C17orf58: variants seen among roughly 807,000 people sequenced by gnomAD.
C17orf58 encodes chromosome 17 open reading frame 58.
In C17orf58, 5 loss-of-function variants were observed where a neutral mutation model predicts 7.4. The observed-to-expected ratio is 0.67, with a 90% CI of 0.35 to 1.42. The LOEUF (loss-of-function observed/expected upper bound fraction) is 1.42. Ranked by LOEUF, C17orf58 falls within the 40% of genes most tolerant of loss-of-function variation. The pLI is 0.04. For missense variants in C17orf58, 162 were observed against 174.2 expected, an observed-to-expected ratio of 0.93 and a Z score of 0.40; for synonymous variants, 60 against 70.6, an observed-to-expected ratio of 0.85 and a Z score of 0.75.
chr17:67,995,979 T>C, intron 1 of C17orf58, 144 bp downstream of exon 1: 1 of 396,680 alleles, frequency 2.5e-6, no homozygotes, highest in Non-Finnish European at 4.4e-6. Flanking sequence ...CTTTGCTCCT[T>C]TATAAGACGA....
At chr17:67,994,516 G>GTA (rs1555699618) in intron 1 of C17orf58, among the ~76,000 whole-genome samples, 1,668 of 89,548 alleles carry the variant, frequency 0.019, 65 homozygotes, top group African/African-American at 0.06. Context: ...GTGTGTGTGT[G>GTA]TATATATATA....
rs1433771582 is a variant in C17orf58, at chr17:67,993,782, G to C, written c.279C>G (p.Ala93=). ...PADNQASFRE[A]ARAPAGPPGP... is the part of the protein sequence containing the mutation. Reference sequence around the variant, plus strand: ...CCGGCGGGCCAGCGGGCGCGCGTGCGGCCTCCCGGAAGCTGGCCTGGTTGT... The same window carrying C: ...CCGGCGGGCCAGCGGGCGCGCGTGCCGCCTCCCGGAAGCTGGCCTGGTTGT... The change falls in exon 2 of 4, where the codon GCC becomes GCG. Residue 93 remains alanine, a synonymous_variant. Transcript: ENST00000580729. The surrounding 1 kb of genome is among the most constrained non-coding windows in gnomAD (Gnocchi z 5.1). 262 of 198,594 alleles carry C rather than the reference G, an allele frequency of 1.3e-3. No homozygotes were observed. Among genetic ancestry groups the C allele is most frequent in the Middle Eastern group, 3.8e-3 (2 of 526 alleles). 12.3% of individuals were successfully genotyped at this position (198,594 alleles called of 1,614,324 possible). A position where few individuals can be genotyped will look rare whatever the true frequency, so the allele number is the denominator to read the frequency against.
intron 3 of C17orf58, among the ~76,000 whole-genome samples, chr17:67,992,566 TCA>T (rs2070844523): frequency 5.3e-5 from 1 of 18,756 alleles, no homozygotes; most frequent in African/African-American, 2.3e-4. Context: ...AGACTCAATC[TCA>T]AAAAAAAAAA....
At chr17:67,994,865 TAGA>T (rs1379101857) in intron 1 of C17orf58, among the ~76,000 whole-genome samples, 1 of 151,912 alleles carries the variant, frequency 6.6e-6, no homozygotes, top group Non-Finnish European at 1.5e-5. Context: ...TTTTCCCCAT[TAGA>T]TGATGGAGGA....
intron 1 of C17orf58, among the ~76,000 whole-genome samples, chr17:67,995,919 T>G (rs2070887668): frequency 1.3e-5 from 2 of 152,208 alleles, no homozygotes; most frequent in Non-Finnish European, 2.9e-5. Context: ...GTAGCTAAAT[T>G]GGCTTCTTTC....
At chr17:67,994,839 C>G (rs1286904328) in intron 1 of C17orf58, among the ~76,000 whole-genome samples, 3 of 152,064 alleles carry the variant, frequency 2.0e-5, no homozygotes, top group Non-Finnish European at 4.4e-5. Context: ...TATAAAAGCA[C>G]ACGTCGCTTA....
At chr17:67,994,516 G>GTGTATA (rs1244199425) in intron 1 of C17orf58, among the ~76,000 whole-genome samples, 46 of 89,534 alleles carry the variant, frequency 5.1e-4, no homozygotes, top group African/African-American at 1.6e-3. Context: ...GTGTGTGTGT[G>GTGTATA]TATATATATA....
At chr17:67,994,630 T>A (rs1200189737) in intron 1 of C17orf58, among the ~76,000 whole-genome samples, 1 of 151,328 alleles carries the variant, frequency 6.6e-6, no homozygotes, top group East Asian at 1.9e-4. Flanking sequence ...TATTACAGGT[T>A]CTCCTAATTC....
In C17orf58 at chr17:67,992,008, C is replaced by G. The variant is rs190704818; in HGVS notation, c.925G>C (p.Asp309His). ...QVLRGRLRPGDGLLRSSSSYV... is the reference protein window; with the variant it reads ...QVLRGRLRPGHGLLRSSSSYV... ...CTGCTGCTGCTCCTTAGCAGTCCAT[C>G]CCCTGGACGGAGGCGGCCTCTCAGG... Residue 309 changes from aspartate (D) to histidine (H), a missense_variant, in exon 4 of 4, where the codon GAT becomes CAT. Around this residue, in one of 3 missense-constraint regions of C17orf58, gnomAD observed 65 missense variants for 66.4 expected, o/e 0.98. Coordinates refer to ENST00000580729, the MANE Select transcript of C17orf58 (RefSeq NM_001382359.1). The G allele has an allele frequency of 6.2e-7, 1 of 1,613,164 alleles. No individual in the cohort carries two copies. The highest frequency in any genetic ancestry group is 2.2e-5 in the East Asian group (1 of 44,872).
chr17:67,991,857 T>G lies in C17orf58; in HGVS notation c.*56A>C. ...CCATTACATGAAGGTAGACCTTTCATGTCTTGTTGCCGACGTCCAAGTCTC... is the reference window on the plus strand; with the variant it reads ...CCATTACATGAAGGTAGACCTTTCAGGTCTTGTTGCCGACGTCCAAGTCTC... On this transcript the variant is annotated 3_prime_UTR_variant, in exon 4 of 4. Coordinates refer to ENST00000580729, the MANE Select transcript of C17orf58 (RefSeq NM_001382359.1). The G allele has an allele frequency of 6.8e-7, 1 of 1,465,892 alleles. No individual in the cohort carries two copies. Among genetic ancestry groups the G allele is most frequent in the South Asian group, 1.4e-5 (1 of 73,208 alleles). The allele number at this position is 1,465,892 out of a possible 1,614,324, so 90.8% of individuals were successfully genotyped here. A position where few individuals can be genotyped will look rare whatever the true frequency, so the allele number is the denominator to read the frequency against.
In C17orf58 at chr17:67,991,918, T is replaced by A. The variant is rs1430969334; in HGVS notation, c.1015A>T (p.Ile339Phe). The A allele has an allele frequency of 1.3e-6, 2 of 1,598,654 alleles. No individual in the cohort carries two copies. Among genetic ancestry groups the A allele is most frequent in the Non-Finnish European group, 1.7e-6 (2 of 1,172,126 alleles). Residue 339 changes from isoleucine (I) to phenylalanine (F), a missense_variant, in exon 4 of 4, where the codon ATT becomes TTT. Transcript: ENST00000580729. ...QIQGAIHTQC[I>F] ...GAAATGCCAGGATGGTTGTTTCAAA[T>A]GCATTGGGTATGAATTGCACCTTGA...
chr17:67,994,041 G>C (rs1555699547), intron 1 of C17orf58, 57 bp from the exon 2 acceptor site: 1 of 383,814 alleles, frequency 2.6e-6, no homozygotes, highest in Non-Finnish European at 4.6e-6. Flanking sequence ...AGCAGTGAGG[G>C]GAGGCCGTCG....
chr17:67,996,043 C>G (rs1261657932), intron 1 of C17orf58, 80 bp downstream of exon 1: 3 of 398,842 alleles, frequency 7.5e-6, no homozygotes, highest in Non-Finnish European at 1.3e-5. Context: ...CCTCGTCCCA[C>G]GTTTCACTGA....
rs570814334 is a variant in C17orf58, at chr17:67,991,280, G to A, written c.*633C>T. The A allele has an allele frequency of 7.9e-5, 12 of 152,264 alleles. 1 individual carries two copies. The highest frequency in any genetic ancestry group is 1.9e-4 in the East Asian group (1 of 5,192). 9.4% of individuals were successfully genotyped at this position (152,264 alleles called of 1,614,324 possible). A position where few individuals can be genotyped will look rare whatever the true frequency, so the allele number is the denominator to read the frequency against. ...TAAACTATATCTTACTTTTTGGTACGTCAGGAACACTTTTGCCTGAAGTAA... is the reference window on the plus strand; with the variant it reads ...TAAACTATATCTTACTTTTTGGTACATCAGGAACACTTTTGCCTGAAGTAA... On this transcript the variant is annotated 3_prime_UTR_variant, in exon 4 of 4. Coordinates refer to ENST00000580729, the MANE Select transcript of C17orf58 (RefSeq NM_001382359.1).
chr17:67,992,868 A>G (rs1267112523), intron 3 of C17orf58, 176 bp downstream of exon 3: 2 of 1,602,358 alleles, frequency 1.2e-6, no homozygotes, highest in Non-Finnish European at 1.7e-6. Flanking sequence ...GGGGGCTGAC[A>G]GGGCTTAAAT....
chr17:67,995,340 C>T (rs2070883536), intron 1 of C17orf58, among the ~76,000 whole-genome samples: 2 of 152,286 alleles, frequency 1.3e-5, no homozygotes, highest in South Asian at 2.1e-4. Context: ...CAACTGCTTC[C>T]CCATTGATAT....
chr17:67,996,021 T>A (rs2070888812), intron 1 of C17orf58, 102 bp downstream of exon 1: 4 of 398,328 alleles, frequency 1.0e-5, no homozygotes, highest in South Asian at 2.6e-4. Flanking sequence ...TCTTGCGAGC[T>A]CTGACCCCCC....
chr17:67,996,436 C>G lies in C17orf58; in HGVS notation c.-238G>C. ...CTTGCAAAGTTGTCCCCGGGAATGT[C>G]TGTCCTGTGATCTGCGGGCGAGGAG... On this transcript the variant is annotated 5_prime_UTR_variant, in exon 1 of 4. Coordinates refer to ENST00000580729, the MANE Select transcript of C17orf58 (RefSeq NM_001382359.1). 2.9e-6 allele frequency: 1 copy of G among 339,510 alleles called. No homozygotes were observed. Among genetic ancestry groups the G allele is most frequent in the Non-Finnish European group, 5.3e-6 (1 of 189,408 alleles). The allele number at this position is 339,510 out of a possible 1,614,324, so 21.0% of individuals were successfully genotyped here. A position where few individuals can be genotyped will look rare whatever the true frequency, so the allele number is the denominator to read the frequency against.
chr17:67,994,235 G>A (rs1374146967), intron 1 of C17orf58, among the ~76,000 whole-genome samples: 2 of 151,812 alleles, frequency 1.3e-5, no homozygotes, highest in African/African-American at 4.8e-5. Flanking sequence ...CCTGCAAGAG[G>A]AGAGATGGGA....
Sources: gnomAD v4.1 joint callset for allele counts (sites outside exome capture counted in the v4.1 genomes callset) on GRCh38, gnomAD v4.1.1 for gene constraint, gnomAD v4.1.1 regional missense constraint, Gnocchi (gnomAD v3.1) non-coding constraint, MANE v1.5 for transcripts, NCBI Gene and HGNC (gene_info 2026-07-23, HGNC 2026-07-21) for gene names.